Variants in STAT5B observed in about 807,000 individuals in gnomAD.
STAT5B encodes the protein transcription factor STAT5B.
A neutral mutation model predicts 107.8 loss-of-function variants in STAT5B; 21 were observed. The ratio of observed to expected loss-of-function variants is 0.19; its 90% CI spans 0.14 to 0.28. The LOEUF is 0.28. STAT5B is among the 10% of genes least tolerant of loss of function. The pLI is 1.00. For missense variants in STAT5B, 565 were observed against 1,008.2 expected (o/e 0.56, Z 5.95); for synonymous variants, 325 against 401.7 (o/e 0.81, Z 2.28).
At chr17:42,237,510 A>C (rs1049982400) in intron 1 of STAT5B, among the ~76,000 whole-genome samples, 1 of 152,204 alleles carries the variant, frequency 6.6e-6, no homozygotes, top group African/African-American at 2.4e-5. Flanking sequence ...AGTGGAGAGT[A>C]GTGTCTGACA....
Position 42,212,197 on chromosome 17 carries a change from G to A in STAT5B, c.1474-7C>T. Reference sequence around the variant, plus strand: ...CGGCAAATGGCACCCTGCCCTGAGAGGGAGAGAGGCCAGAATCTGATGAGA... The same window carrying A: ...CGGCAAATGGCACCCTGCCCTGAGAAGGAGAGAGGCCAGAATCTGATGAGA... On this transcript the variant is annotated splice_polypyrimidine_tract_variant and splice_region_variant and intron_variant, in intron 12 of 18. Coordinates refer to ENST00000293328, the MANE Select transcript of STAT5B (RefSeq NM_012448.4). 1 of 1,614,226 alleles carries A rather than the reference G, an allele frequency of 6.2e-7. No homozygotes were observed. The highest frequency in any genetic ancestry group is 8.5e-7 in the Non-Finnish European group (1 of 1,180,054).
chr17:42,261,406 G>T (rs1380825460), intron 1 of STAT5B, among the ~76,000 whole-genome samples: 6 of 151,996 alleles, frequency 3.9e-5, no homozygotes. Context: ...CTACTTTATG[G>T]ATTTAGGTTT....
In STAT5B at chr17:42,276,263, G is replaced by C. The variant is rs1598347213; in HGVS notation, c.-26C>G. 1 of 147,038 alleles carries C rather than the reference G, an allele frequency of 6.8e-6. No individual in the cohort carries two copies. Among genetic ancestry groups the C allele is most frequent in the African/African-American group, 2.5e-5 (1 of 40,746 alleles). 9.1% of individuals were successfully genotyped at this position (147,038 alleles called of 1,614,324 possible). On this transcript the variant is annotated 5_prime_UTR_variant, in exon 1 of 19. Coordinates refer to ENST00000293328, the MANE Select transcript of STAT5B (RefSeq NM_012448.4). This position sits in a 1 kb window ranked among gnomAD's most constrained non-coding sequence, Gnocchi z 4.8. Reference sequence around the variant, plus strand: ...CAGCTCCTACCTCGCTCGGCCCCTCGGGCGCCCGCGGCTGCTCCGGCCCAG... The same window carrying C: ...CAGCTCCTACCTCGCTCGGCCCCTCCGGCGCCCGCGGCTGCTCCGGCCCAG...
At chr17:42,268,245 C>T (rs1245638172) in intron 1 of STAT5B, among the ~76,000 whole-genome samples, 1 of 152,094 alleles carries the variant, frequency 6.6e-6, no homozygotes. Flanking sequence ...TTTACTGTAA[C>T]TTTTCTATAT....
At chr17:42,217,926 G>C in intron 9 of STAT5B, 2 of 666,356 alleles carry the variant, frequency 3.0e-6, no homozygotes, top group East Asian at 3.2e-5. Context: ...GGCTGGTCTT[G>C]AACTCCTGAC....
At chr17:42,208,313 T>A (rs148697748) in intron 15 of STAT5B, among the ~76,000 whole-genome samples, 1 of 151,800 alleles carries the variant, frequency 6.6e-6, no homozygotes, top group Middle Eastern at 3.2e-3. Flanking sequence ...CCAGCCTGGC[T>A]AACATGATGA....
In STAT5B at chr17:42,224,875, G is replaced by T; in HGVS notation, c.286-7C>A. The T allele has an allele frequency of 6.2e-7, 1 of 1,613,340 alleles. No individual in the cohort carries two copies. The highest frequency in any genetic ancestry group is 1.1e-5 in the South Asian group (1 of 91,058). Reference sequence around the variant, plus strand: ...GGCAGCGGTCATACGTGTTCTGAAAGAATCCAACAGCAGACATCACTTTGT... The same window carrying T: ...GGCAGCGGTCATACGTGTTCTGAAATAATCCAACAGCAGACATCACTTTGT... On this transcript the variant is annotated splice_region_variant and splice_polypyrimidine_tract_variant and intron_variant, in intron 3 of 18. Transcript: ENST00000293328.
chr17:42,223,625 A>G (rs1436281038), intron 4 of STAT5B, 69 bp from the exon 5 acceptor site: 1 of 1,582,082 alleles, frequency 6.3e-7, no homozygotes, highest in Non-Finnish European at 8.6e-7. Context: ...AATCCCCAGG[A>G]AAAGCCAGCT....
At chr17:42,281,587 G>C (rs1272902986), upstream of STAT5B, among the ~76,000 whole-genome samples, 1 of 152,210 alleles carries the variant, frequency 6.6e-6, no homozygotes, top group Non-Finnish European at 1.5e-5. Context: ...CTGGCCAGGA[G>C]AGAGCTGGTG....
At position 42,202,817 on chromosome 17, in the gene STAT5B, G is replaced by A. The variant is rs202154803; in HGVS notation, c.2078-9C>T. 3.0e-5 allele frequency: 49 copies of A among 1,614,194 alleles called. No homozygotes were observed. The East Asian group carries it at 1.0e-3, about 34-fold the overall frequency. On this transcript the variant is annotated splice_polypyrimidine_tract_variant and intron_variant, in intron 16 of 18. Coordinates refer to ENST00000293328, the MANE Select transcript of STAT5B (RefSeq NM_012448.4). Reference sequence around the variant, plus strand: ...TCCATCAACAGCTTTAGCTGCCAAGGGAAGAATGTAGTAAATCAAAGTTCT... The same window carrying A: ...TCCATCAACAGCTTTAGCTGCCAAGAGAAGAATGTAGTAAATCAAAGTTCT...
At chr17:42,211,133 G>A (rs1270646034) in intron 13 of STAT5B, among the ~76,000 whole-genome samples, 3 of 151,980 alleles carry the variant, frequency 2.0e-5, no homozygotes, top group Non-Finnish European at 2.9e-5. Context: ...TCTGGGAGAC[G>A]GAGGTTGCAG....
intron 1 of STAT5B, among the ~76,000 whole-genome samples, chr17:42,263,882 C>G (rs1325578618): frequency 6.6e-6 from 1 of 150,766 alleles, no homozygotes; most frequent in Non-Finnish European, 1.5e-5. Flanking sequence ...CACACACACA[C>G]ACACACACAC....
chr17:42,209,952 C>T (rs1423609075), intron 15 of STAT5B, among the ~76,000 whole-genome samples: 1 of 152,158 alleles, frequency 6.6e-6, no homozygotes, highest in Non-Finnish European at 1.5e-5. Context: ...TGTAACCATG[C>T]TGCCATATAC....
chr17:42,217,000 C>T (rs997506702), intron 11 of STAT5B, among the ~76,000 whole-genome samples, 160 bp downstream of exon 11: 1 of 151,944 alleles, frequency 6.6e-6, no homozygotes, highest in African/African-American at 2.4e-5. Flanking sequence ...CTTAAGAGAA[C>T]CTAAGTGAAA....
At chr17:42,226,734 G>T (rs938041655) in intron 3 of STAT5B, among the ~76,000 whole-genome samples, 3 of 150,930 alleles carry the variant, frequency 2.0e-5, no homozygotes, top group Non-Finnish European at 4.4e-5. Context: ...CTTGAACCCG[G>T]GAGGTGGAGG....
At chr17:42,224,746 C>A (rs145734297) in intron 4 of STAT5B, 33 bp downstream of exon 4, 1 of 1,609,602 alleles carries the variant, frequency 6.2e-7, no homozygotes, top group African/African-American at 1.3e-5. Context: ...AAAGACTTCC[C>A]GACTGCCCTC....
chr17:42,220,725 C>T (rs950993064), intron 5 of STAT5B, among the ~76,000 whole-genome samples: 3 of 152,112 alleles, frequency 2.0e-5, no homozygotes, highest in Non-Finnish European at 2.9e-5. Context: ...GGCTTCCCTC[C>T]ACACCATCTG....
chr17:42,262,064 T>C (rs930008306), intron 1 of STAT5B, among the ~76,000 whole-genome samples: 6 of 152,190 alleles, frequency 3.9e-5, no homozygotes, highest in Non-Finnish European at 8.8e-5. Context: ...CTCAAAATTG[T>C]CTATTTTTAA....
chr17:42,278,526 A>T (rs1027247755), upstream of STAT5B, among the ~76,000 whole-genome samples: 2 of 151,280 alleles, frequency 1.3e-5, no homozygotes, highest in Non-Finnish European at 2.9e-5. Context: ...ATTTTTTTTT[A>T]TTTTTATTTT....
Sources: gnomAD v4.1 joint callset for allele counts (sites outside exome capture counted in the v4.1 genomes callset) on GRCh38, gnomAD v4.1.1 for gene constraint, Gnocchi (gnomAD v3.1) non-coding constraint, MANE v1.5 for transcripts, NCBI Gene and HGNC (gene_info 2026-07-23, HGNC 2026-07-21) for gene names.